The following ZNF773 variants were observed in gnomAD, a reference collection of about 807,000 sequenced individuals.
ZNF773 encodes zinc finger protein 419B.
In ZNF773, 11 loss-of-function variants were observed where a neutral mutation model predicts 12.8. The observed-to-expected ratio is 0.86, with a 90% CI of 0.54 to 1.42. The LOEUF (loss-of-function observed/expected upper bound fraction) is 1.42. ZNF773 is among the 40% of genes most tolerant of loss of function. The probability of loss-of-function intolerance (pLI) is 0.00; values close to 1 mark genes in which losing one functional copy is unlikely to be tolerated. For missense variants in ZNF773, 518 were observed against 527.2 expected, an observed-to-expected ratio of 0.98 and a Z score of 0.17; for synonymous variants, 175 against 178.4, an observed-to-expected ratio of 0.98 and a Z score of 0.15.
In ZNF773 at chr19:57,508,002, G is replaced by A. The variant is rs1472687549; in HGVS notation, c.*578G>A. 7.1e-5 allele frequency: 14 copies of A among 196,132 alleles called. No homozygotes were observed. The highest frequency in any genetic ancestry group is 1.9e-4 in the East Asian group (1 of 5,358). The allele number at this position is 196,132 out of a possible 1,614,324, so 12.1% of individuals were successfully genotyped here. On this transcript the variant is annotated 3_prime_UTR_variant, in exon 4 of 4. Coordinates refer to ENST00000282292, the MANE Select transcript of ZNF773 (RefSeq NM_198542.3). The stretch of plus-strand genomic sequence containing the variant: ...AAAAAAAAAAAAAAATTAGCCCGGC[G>A]TGGTGGCAGGCAACTGTAGTCCCAG...
intron 2 of ZNF773, 145 bp downstream of exon 2, chr19:57,504,931 T>C: frequency 1.6e-6 from 2 of 1,265,422 alleles, no homozygotes; most frequent in Non-Finnish European, 2.2e-6. Flanking sequence ...GTAATAGGCC[T>C]GGGCTGTGTA....
downstream of ZNF773, chr19:57,516,504 G>A (rs1256374821): frequency 6.6e-6 from 1 of 152,184 alleles, no homozygotes; most frequent in East Asian, 1.9e-4. Flanking sequence ...TAGATTCTCA[G>A]AACAATGGTA....
At chr19:57,508,395 G>A (rs878933661), downstream of ZNF773, 1 of 617,422 alleles carries the variant, frequency 1.6e-6, no homozygotes, top group South Asian at 2.3e-5. Flanking sequence ...GAGTGGTCTC[G>A]ATTCAGATGT....
At chr19:57,505,014 T>C (rs2089713167) in intron 2 of ZNF773, 3 of 757,500 alleles carry the variant, frequency 4.0e-6, no homozygotes, top group Non-Finnish European at 6.9e-6. Context: ...AGTCTTGCAG[T>C]CAGCTTGATG....
Position 57,508,215 on chromosome 19 carries a change from A to G in ZNF773, c.*791A>G, listed in dbSNP as rs55903117. Reference sequence around the variant, plus strand: ...TTTATGAGGGAGCTGGCAATTGAACATCATTCATCCAAATATGCACACTGG... The same window carrying G: ...TTTATGAGGGAGCTGGCAATTGAACGTCATTCATCCAAATATGCACACTGG... On this transcript the variant is annotated 3_prime_UTR_variant, in exon 4 of 4. Transcript: ENST00000282292. The G allele has an allele frequency of 0.18, 189,987 of 1,070,672 alleles. 20,132 individuals are homozygous for G. The highest frequency in any genetic ancestry group is 0.27 in the African/African-American group (16,144 of 59,500). 66.3% of individuals were successfully genotyped at this position (1,070,672 alleles called of 1,614,324 possible).
At chr19:57,514,022 C>G (rs1432998958), downstream of ZNF773, 2 of 152,288 alleles carry the variant, frequency 1.3e-5, no homozygotes, top group Middle Eastern at 3.2e-3. Context: ...GCGTGCTTAA[C>G]AGTCCTACAT....
chr19:57,513,392 G>A (rs991385481), downstream of ZNF773: 6 of 217,308 alleles, frequency 2.8e-5, no homozygotes, highest in African/African-American at 4.6e-5. Context: ...ATTTGCTTAC[G>A]GCATAGGATA....
At position 57,508,208 on chromosome 19, in the gene ZNF773, A is replaced by G. The variant is rs1204348530; in HGVS notation, c.*784A>G. ...GGTGATCTTTATGAGGGAGCTGGCA[A>G]TTGAACATCATTCATCCAAATATGC... On this transcript the variant is annotated 3_prime_UTR_variant, in exon 4 of 4. Transcript: ENST00000282292. The G allele has an allele frequency of 2.8e-6, 3 of 1,084,966 alleles. No individual in the cohort carries two copies. The highest frequency in any genetic ancestry group is 3.4e-6 in the Non-Finnish European group (3 of 894,706). 67.2% of individuals were successfully genotyped at this position (1,084,966 alleles called of 1,614,324 possible). A position where few individuals can be genotyped will look rare whatever the true frequency, so the allele number is the denominator to read the frequency against.
In ZNF773 at chr19:57,506,710, A is replaced by G. The variant is rs766879470; in HGVS notation, c.615A>G (p.Leu205=). The change falls in exon 4 of 4, where the codon TTA becomes TTG. Residue 205 remains leucine (L), a synonymous_variant. Coordinates refer to ENST00000282292, the MANE Select transcript of ZNF773 (RefSeq NM_198542.3). ...GGAAAGCCTTTGGTCAGAAATATTT[A>G]CTTGTTCAGCACCAGAGACTGCACA... ...ECGKAFGQKY[L]LVQHQRLHTG... 1.9e-6 allele frequency: 3 copies of G among 1,614,230 alleles called. No homozygotes were observed. The highest frequency in any genetic ancestry group is 2.2e-5 in the East Asian group (1 of 44,890).
downstream of ZNF773, among the ~76,000 whole-genome samples, chr19:57,511,383 C>T (rs1004866451): frequency 1.3e-5 from 2 of 152,030 alleles, no homozygotes; most frequent in Admixed American, 6.6e-5. Context: ...AATTTGAAAA[C>T]CTTTATGACT....
downstream of ZNF773, chr19:57,512,937 T>G: frequency 7.1e-7 from 1 of 1,406,702 alleles, no homozygotes; most frequent in Non-Finnish European, 9.3e-7. Flanking sequence ...AGGGCCCTTG[T>G]TCCCTAGAAG....
intron 1 of ZNF773, 60 bp from the exon 2 acceptor site, chr19:57,504,597 G>A: frequency 6.2e-7 from 1 of 1,602,962 alleles, no homozygotes. Context: ...GGATGTTTAG[G>A]GGGATGCCTA....
chr19:57,502,647 G>A (rs1391220983), intron 1 of ZNF773, among the ~76,000 whole-genome samples: 4 of 152,144 alleles, frequency 2.6e-5, no homozygotes, highest in East Asian at 1.9e-4. Flanking sequence ...AGTGGTGGCT[G>A]TGGACGTAGG....
chr19:57,514,071 T>C (rs1356924445), downstream of ZNF773: 2 of 152,250 alleles, frequency 1.3e-5, no homozygotes, highest in Non-Finnish European at 2.9e-5. Context: ...AAAGGAGCCT[T>C]GTAATGTGTT....
At chr19:57,505,999 G>A (rs1263442321) in intron 3 of ZNF773, among the ~76,000 whole-genome samples, 2 of 152,104 alleles carry the variant, frequency 1.3e-5, no homozygotes, top group East Asian at 1.9e-4. Flanking sequence ...ATGAGGCACC[G>A]CGCCCATCCT....
chr19:57,510,827 G>A (rs1213975657), downstream of ZNF773, among the ~76,000 whole-genome samples: 1 of 151,914 alleles, frequency 6.6e-6, no homozygotes, highest in East Asian at 1.9e-4. Context: ...ATTCCTGAGA[G>A]ACATTAAGGA....
At chr19:57,504,837 C>T (rs774539913) in intron 2 of ZNF773, 51 bp downstream of exon 2, 4 of 1,582,308 alleles carry the variant, frequency 2.5e-6, no homozygotes, top group Non-Finnish European at 3.5e-6. Flanking sequence ...TTGGCTTTTC[C>T]TCCTTTTCCT....
At chr19:57,504,339 G>A (rs1273233102) in intron 1 of ZNF773, among the ~76,000 whole-genome samples, 1 of 152,128 alleles carries the variant, frequency 6.6e-6, no homozygotes, top group Non-Finnish European at 1.5e-5. Flanking sequence ...CCTTGTATTG[G>A]GTGCTTCAGG....
At chr19:57,516,051 C>T (rs1031237401), downstream of ZNF773, 2 of 153,964 alleles carry the variant, frequency 1.3e-5, no homozygotes, top group Non-Finnish European at 2.9e-5. Context: ...TGTGTTTTTA[C>T]AGGAGATGGA....
Sources: gnomAD v4.1 joint callset for allele counts (sites outside exome capture counted in the v4.1 genomes callset) on GRCh38, gnomAD v4.1.1 for gene constraint, MANE v1.5 for transcripts, NCBI Gene and HGNC (gene_info 2026-07-23, HGNC 2026-07-21) for gene names.